The following FHIT variants were observed in gnomAD, a reference collection of about 807,000 sequenced individuals.
FHIT encodes the protein fragile histidine triad diadenosine triphosphatase, also known as bis(5'-adenosyl)-triphosphatase.
In FHIT, 19 loss-of-function variants were observed where a neutral mutation model predicts 17.9. The observed-to-expected ratio is 1.06, with a 90% confidence interval of 0.74 to 1.56. The LOEUF (loss-of-function observed/expected upper bound fraction) is 1.56, where lower values mean the gene tolerates loss of function less well. Among genes scored for constraint, FHIT ranks in the 40% most tolerant of loss-of-function variants. The probability of loss-of-function intolerance (pLI) is 0.00; values close to 1 mark genes in which losing one functional copy is unlikely to be tolerated. For missense variants in FHIT, 248 were observed against 189.2 expected (o/e 1.31, Z -1.82); for synonymous variants, 81 against 69.7 (o/e 1.16, Z -0.81).
At chr3:60,937,900 C>G (rs11130798) in intron 3 of FHIT, among the ~76,000 whole-genome samples, 100,518 of 151,786 alleles carry the variant, frequency 0.66, 34,392 homozygotes, top group East Asian at 0.93. Flanking sequence ...GCAGGAATCA[C>G]CTGGCTCTAG....
Position 60,050,639 on chromosome 3 carries a change from C to T in FHIT, c.104-36487G>A, listed in dbSNP as rs6765614. 4.1e-4 allele frequency among the ~76,000 whole-genome samples: 62 copies of T among 152,248 alleles called. No individual in the cohort carries two copies. In the East Asian group the frequency reaches 8.1e-3, roughly 20 times the overall value. Reference sequence around the variant, plus strand: ...CCACAGAATCCAGGCGCAGGATCCCCGAGTCTCACAGATTCTACTCTCTAT... The same window carrying T: ...CCACAGAATCCAGGCGCAGGATCCCTGAGTCTCACAGATTCTACTCTCTAT... On this transcript the variant is annotated intron_variant, in intron 5 of 9. Transcript: ENST00000492590.
intron 2 of FHIT, among the ~76,000 whole-genome samples, chr3:61,188,818 C>G (rs1399312012): frequency 6.6e-6 from 1 of 151,994 alleles, no homozygotes; most frequent in East Asian, 1.9e-4. Context: ...ATAAACAGAA[C>G]CAAAGACAAA....
At chr3:61,085,422 G>A (rs2035274404) in intron 2 of FHIT, among the ~76,000 whole-genome samples, 1 of 152,020 alleles carries the variant, frequency 6.6e-6, no homozygotes, top group Non-Finnish European at 1.5e-5. Flanking sequence ...TCCTGGTGAT[G>A]ATAAGCATTT....
At chr3:60,793,292 A>ATTTCTT (rs150174374) in intron 4 of FHIT, among the ~76,000 whole-genome samples, 18,089 of 150,916 alleles carry the variant, frequency 0.12, 1,499 homozygotes, top group African/African-American at 0.23. Context: ...TGAACAAGTG[A>ATTTCTT]TTTCTTTTTC....
At chr3:60,826,391 A>G (rs1485655678) in intron 3 of FHIT, among the ~76,000 whole-genome samples, 1 of 152,160 alleles carries the variant, frequency 6.6e-6, no homozygotes, top group Non-Finnish European at 1.5e-5. Context: ...CAATGGCACA[A>G]TCTCGGCTCA....
intron 8 of FHIT, among the ~76,000 whole-genome samples, chr3:59,859,163 G>A (rs1369129941): frequency 1.3e-5 from 2 of 152,188 alleles, no homozygotes; most frequent in Non-Finnish European, 1.5e-5. Context: ...AATGCTCAAA[G>A]AATGATGGGG....
At chr3:60,230,373 A>T (rs1704433307) in intron 5 of FHIT, among the ~76,000 whole-genome samples, 2 of 152,226 alleles carry the variant, frequency 1.3e-5, no homozygotes, top group African/African-American at 4.8e-5. Flanking sequence ...ACCTGGAACT[A>T]CTATAAATGC....
chr3:60,559,444 G>C (rs1326445181), intron 4 of FHIT, among the ~76,000 whole-genome samples: 1 of 152,202 alleles, frequency 6.6e-6, no homozygotes, highest in Non-Finnish European at 1.5e-5. Flanking sequence ...ATTTTCTCAA[G>C]TTACTGCTGC....
intron 8 of FHIT, among the ~76,000 whole-genome samples, chr3:59,874,594 C>T (rs650905): frequency 0.93 from 140,848 of 152,100 alleles, 65,817 homozygotes; most frequent in East Asian, 1. Flanking sequence ...TACGATATTA[C>T]GGGGTTAGGA....
At chr3:60,208,831 T>TA (rs978779944) in intron 5 of FHIT, among the ~76,000 whole-genome samples, 35 of 152,278 alleles carry the variant, frequency 2.3e-4, no homozygotes, top group African/African-American at 7.9e-4. Context: ...GAGAGCCATT[T>TA]AGCTCTAAGT....
chr3:61,154,293 T>C (rs1202426036), intron 2 of FHIT, among the ~76,000 whole-genome samples: 1 of 152,064 alleles, frequency 6.6e-6, no homozygotes, highest in African/African-American at 2.4e-5. Flanking sequence ...GGAGTAACAA[T>C]TGACATTAAG....
intron 8 of FHIT, among the ~76,000 whole-genome samples, chr3:59,831,649 G>A (rs1701168551): frequency 6.6e-6 from 1 of 152,034 alleles, no homozygotes; most frequent in Non-Finnish European, 1.5e-5. Flanking sequence ...ACATATCTCA[G>A]TGTCAGCAGC....
At chr3:61,187,439 T>C (rs569888405) in intron 2 of FHIT, among the ~76,000 whole-genome samples, 1 of 152,068 alleles carries the variant, frequency 6.6e-6, no homozygotes, top group South Asian at 2.1e-4. Flanking sequence ...AGCAAGCCCT[T>C]AGAGACCTAT....
intron 5 of FHIT, among the ~76,000 whole-genome samples, chr3:60,498,039 A>T (rs1194915445): frequency 6.6e-6 from 1 of 152,248 alleles, no homozygotes; most frequent in Non-Finnish European, 1.5e-5. Flanking sequence ...CTGTAACACA[A>T]AAACAGCCAT....
At chr3:60,291,679 T>C (rs1490122888) in intron 5 of FHIT, among the ~76,000 whole-genome samples, 1 of 152,178 alleles carries the variant, frequency 6.6e-6, no homozygotes, top group African/African-American at 2.4e-5. Context: ...ACCCTTACTA[T>C]CTGCTTAAAT....
At chr3:59,773,355 C>T (rs967574255) in intron 8 of FHIT, among the ~76,000 whole-genome samples, 12 of 152,288 alleles carry the variant, frequency 7.9e-5, no homozygotes, top group Non-Finnish European at 1.5e-4. Flanking sequence ...AAGGGGGTAC[C>T]TAATCCAGCA....
In FHIT at chr3:60,532,423, G is replaced by A. The variant is rs571802492; in HGVS notation, c.103+4437C>T. 6.6e-5 allele frequency among the ~76,000 whole-genome samples: 10 copies of A among 152,294 alleles called. No homozygotes were observed. In the East Asian group the frequency reaches 9.6e-4, roughly 15 times the overall value. ...ACAGCACAAAGCAAAGGGAGTGGGG[G>A]TAAGGAGAAGTATTAGCCATAATGG... On this transcript the variant is annotated intron_variant, in intron 5 of 9. Coordinates refer to ENST00000492590, the MANE Select transcript of FHIT (RefSeq NM_002012.4).
chr3:61,074,202 T>G (rs2034899178), intron 2 of FHIT, among the ~76,000 whole-genome samples: 1 of 152,200 alleles, frequency 6.6e-6, no homozygotes, highest in Non-Finnish European at 1.5e-5. Context: ...CCCATTTATC[T>G]TATAGAATCC....
intron 3 of FHIT, among the ~76,000 whole-genome samples, chr3:61,010,459 T>C (rs2031727166): frequency 6.6e-6 from 1 of 152,240 alleles, no homozygotes; most frequent in African/African-American, 2.4e-5. Context: ...ACTATTACCA[T>C]TGTCATTTTA....
Sources: gnomAD v4.1 joint callset for allele counts (sites outside exome capture counted in the v4.1 genomes callset) on GRCh38, gnomAD v4.1.1 for gene constraint, MANE v1.5 for transcripts, NCBI Gene and HGNC (gene_info 2026-07-23, HGNC 2026-07-21) for gene names.